Variants in ZFHX3 observed in about 807,000 individuals in gnomAD.
ZFHX3 encodes the protein zinc finger homeobox protein 3.
In ZFHX3, 42 loss-of-function variants were observed where a neutral mutation model predicts 279.1. The observed-to-expected ratio is 0.15, with a 90% CI of 0.12 to 0.19. The LOEUF is 0.19. ZFHX3 is among the 10% of genes least tolerant of loss of function. The pLI is 1.00. For missense variants in ZFHX3, 4,981 were observed against 4,754.0 expected (o/e 1.05, Z -1.40); for synonymous variants, 2,293 against 1,957.8 (o/e 1.17, Z -4.52).
Position 72,811,649 on chromosome 16 carries a change from CTTG to C in ZFHX3, c.3789_3791del (p.Asn1263del), listed in dbSNP as rs763986819. ...GGGTGAGGTGCAGCTGGAGGTGGAT[CTTG>C]TTGTTGAGCATGTCCTGGCACAGGG... On this transcript the variant is annotated inframe_deletion, in exon 7 of 10. Transcript: ENST00000268489. 17 of 1,613,574 alleles carry C rather than the reference CTTG, an allele frequency of 1.1e-5. No individual in the cohort carries two copies. In the East Asian group the frequency reaches 2.0e-4, roughly 19 times the overall value.
chr16:73,068,540 A>G (rs1965783432), intron 8 of ZFHX3, among the ~76,000 whole-genome samples: 1 of 152,226 alleles, frequency 6.6e-6, no homozygotes, highest in South Asian at 2.1e-4. Context: ...CCATGTAACA[A>G]TTGCCTGGTG....
chr16:73,252,248 G>A (rs1006201559), intron 5 of ZFHX3, among the ~76,000 whole-genome samples: 6 of 152,198 alleles, frequency 3.9e-5, no homozygotes, highest in Non-Finnish European at 8.8e-5. Context: ...TGTGATCCAT[G>A]AGTATGAGGG....
intron 1 of ZFHX3, among the ~76,000 whole-genome samples, chr16:73,759,141 C>T (rs1223196239): frequency 6.6e-6 from 1 of 152,224 alleles, no homozygotes; most frequent in Non-Finnish European, 1.5e-5. Flanking sequence ...TTAAACAAGA[C>T]AGAAGTCTAT....
intron 4 of ZFHX3, among the ~76,000 whole-genome samples, chr16:73,271,903 G>A (rs943749029): frequency 6.6e-6 from 1 of 152,194 alleles, no homozygotes; most frequent in South Asian, 2.1e-4. Flanking sequence ...TTAGAGGGGA[G>A]AGACAAGGTT....
At chr16:73,306,179 C>T (rs2015175947) in intron 4 of ZFHX3, among the ~76,000 whole-genome samples, 1 of 152,134 alleles carries the variant, frequency 6.6e-6, no homozygotes, top group African/African-American at 2.4e-5. Flanking sequence ...ATATGTGGCT[C>T]CAAACCCAAG....
intron 3 of ZFHX3, among the ~76,000 whole-genome samples, chr16:72,944,619 A>G (rs998272235): frequency 1.3e-5 from 2 of 152,130 alleles, no homozygotes; most frequent in African/African-American, 2.4e-5. Flanking sequence ...GATTAACCAG[A>G]TATATTTACT....
At chr16:72,896,179 C>G (rs889205866) in intron 3 of ZFHX3, among the ~76,000 whole-genome samples, 1 of 152,218 alleles carries the variant, frequency 6.6e-6, no homozygotes, top group African/African-American at 2.4e-5. Flanking sequence ...CGGGGGTCAA[C>G]AGCTACGGCT....
chr16:73,416,922 A>G (rs952194567), intron 3 of ZFHX3, among the ~76,000 whole-genome samples: 4 of 152,064 alleles, frequency 2.6e-5, no homozygotes, highest in African/African-American at 9.7e-5. Flanking sequence ...CATCATCTCA[A>G]CGTACCTCCC....
Position 73,712,392 on chromosome 16 carries a change from A to G in ZFHX3, c.-1607-32152T>C, listed in dbSNP as rs561949039. Among the ~76,000 whole-genome samples the G allele has an allele frequency of 8.5e-5, 13 of 152,166 alleles. No individual in the cohort carries two copies. In the East Asian group the frequency reaches 2.3e-3, roughly 27 times the overall value. Reference sequence around the variant, plus strand: ...CAGTGGGTTATCAGGGAACATCTCAATTCAAACCCAGGCCTCTGAAATCTC... The same window carrying G: ...CAGTGGGTTATCAGGGAACATCTCAGTTCAAACCCAGGCCTCTGAAATCTC... On this transcript the variant is annotated intron_variant, in intron 1 of 17. Coordinates refer to the ZFHX3 transcript ENST00000641206.
chr16:73,664,704 A>C (rs2052817595), intron 2 of ZFHX3, among the ~76,000 whole-genome samples: 1 of 152,224 alleles, frequency 6.6e-6, no homozygotes, highest in Non-Finnish European at 1.5e-5. Context: ...CACAAATTAT[A>C]AAAACACTCC....
chr16:73,358,715 A>G (rs1052315415), intron 3 of ZFHX3, among the ~76,000 whole-genome samples: 2 of 152,228 alleles, frequency 1.3e-5, no homozygotes, highest in African/African-American at 4.8e-5. Flanking sequence ...TTTGCAACAG[A>G]TATGGACTGT....
chr16:73,489,716 A>G (rs969757543), intron 2 of ZFHX3, among the ~76,000 whole-genome samples: 2 of 152,234 alleles, frequency 1.3e-5, no homozygotes, highest in African/African-American at 4.8e-5. Flanking sequence ...GAGTAGAATT[A>G]TGTAGAAAAA....
intron 5 of ZFHX3, among the ~76,000 whole-genome samples, chr16:73,170,752 G>T (rs1051630696): frequency 6.6e-6 from 1 of 152,142 alleles, no homozygotes; most frequent in African/African-American, 2.4e-5. Context: ...GGATCTTCCT[G>T]TCTGTACTTC....
At chr16:73,713,533 G>A (rs993317482) in intron 1 of ZFHX3, among the ~76,000 whole-genome samples, 2 of 152,094 alleles carry the variant, frequency 1.3e-5, no homozygotes, top group African/African-American at 2.4e-5. Flanking sequence ...AGCAGCATTC[G>A]GAATTGCAGG....
chr16:73,802,310 C>T (rs1177735803), intron 1 of ZFHX3, among the ~76,000 whole-genome samples: 1 of 152,174 alleles, frequency 6.6e-6, no homozygotes, highest in Non-Finnish European at 1.5e-5. Flanking sequence ...AAATGTGACT[C>T]CACAGGGAAG....
intron 4 of ZFHX3, among the ~76,000 whole-genome samples, chr16:73,295,070 C>T (rs1337026924): frequency 3.4e-4 from 51 of 151,974 alleles, no homozygotes; most frequent in Non-Finnish European, 1.0e-4. Flanking sequence ...AAAAAATTAG[C>T]CAGGCATGGT....
chr16:73,719,091 C>A (rs759431537), intron 1 of ZFHX3, among the ~76,000 whole-genome samples: 2 of 152,230 alleles, frequency 1.3e-5, no homozygotes, highest in Non-Finnish European at 1.5e-5. Flanking sequence ...GGATTCAAAT[C>A]TCCCTGTGTA....
At chr16:73,705,597 C>T (rs2142220939) in intron 1 of ZFHX3, among the ~76,000 whole-genome samples, 1 of 152,314 alleles carries the variant, frequency 6.6e-6, no homozygotes, top group African/African-American at 2.4e-5. Flanking sequence ...CCTGGAGCAA[C>T]TGAGTCCTTA....
exon 1 of ZFHX3, chr16:73,058,907 G>C (rs1326061825): frequency 6.0e-6 from 1 of 167,476 alleles, no homozygotes; most frequent in Non-Finnish European, 1.2e-5. Context: ...GCTGTAATTG[G>C]GATGCAAAGC....
Sources: gnomAD v4.1 joint callset for allele counts (sites outside exome capture counted in the v4.1 genomes callset) on GRCh38, gnomAD v4.1.1 for gene constraint, MANE v1.5 for transcripts, NCBI Gene and HGNC (gene_info 2026-07-23, HGNC 2026-07-21) for gene names.